The following KANK1 variants were observed in gnomAD, a reference collection of about 807,000 sequenced individuals.
The protein encoded by KANK1 is KN motif and ankyrin repeat domains 1, also known as KN motif and ankyrin repeat domain-containing protein 1.
In KANK1, 109 loss-of-function variants were observed where a neutral mutation model predicts 106.2. The ratio of observed to expected loss-of-function variants is 1.03; its 90% CI spans 0.88 to 1.20. The LOEUF is 1.20. KANK1 is among the 50% of genes most tolerant of loss of function. The pLI is 0.00. For missense variants in KANK1, 2,399 were observed against 1,710.7 expected, an observed-to-expected ratio of 1.40 and a Z score of -7.10; for synonymous variants, 873 against 652.2, an observed-to-expected ratio of 1.34 and a Z score of -5.16.
At chr9:703,223 C>G (rs928679485) in intron 2 of KANK1, among the ~76,000 whole-genome samples, 1 of 152,108 alleles carries the variant, frequency 6.6e-6, no homozygotes, top group Non-Finnish European at 1.5e-5. Flanking sequence ...AACTCCTGAT[C>G]TCAAGTGAAC....
intron 3 of KANK1, among the ~76,000 whole-genome samples, chr9:728,237 G>A (rs1831268028): frequency 6.6e-6 from 1 of 152,128 alleles, no homozygotes; most frequent in Non-Finnish European, 1.5e-5. Flanking sequence ...CTGTCACTCT[G>A]TCACCCAGGC....
At chr9:568,291 A>G (rs949236906) in intron 1 of KANK1, among the ~76,000 whole-genome samples, 3 of 152,228 alleles carry the variant, frequency 2.0e-5, no homozygotes, top group African/African-American at 4.8e-5. Flanking sequence ...AATCTTCAAC[A>G]TCATACCCAG....
At chr9:726,468 GTC>G (rs1363437603) in intron 3 of KANK1, among the ~76,000 whole-genome samples, 9 of 152,050 alleles carry the variant, frequency 5.9e-5, no homozygotes, top group Admixed American at 2.6e-4. Context: ...GTGAAACCGA[GTC>G]TCTACTAAAA....
chr9:501,613 T>C (rs923590980), upstream of KANK1, among the ~76,000 whole-genome samples: 15 of 148,428 alleles, frequency 1.0e-4, no homozygotes, highest in Non-Finnish European at 1.4e-4. Flanking sequence ...CGCACAGACA[T>C]ACACACACAC....
At chr9:473,565 T>C (rs2058054927) in intron 3 of KANK1, among the ~76,000 whole-genome samples, 1 of 152,218 alleles carries the variant, frequency 6.6e-6, no homozygotes, top group Non-Finnish European at 1.5e-5. Context: ...ATAGGTATAA[T>C]ACTGAGAAAA....
At position 742,348 on chromosome 9, in the gene KANK1, G is replaced by A; in HGVS notation, c.3840G>A (p.Val1280=). The change falls in exon 10 of 12, where the codon GTG becomes GTA. Residue 1280 remains valine (V), a synonymous_variant. Coordinates refer to ENST00000382297, the MANE Select transcript of KANK1 (RefSeq NM_015158.5). ...TGTGTGCCAGCGAGCACGGACACGT[G>A]GAGATTGTCAAGCTGCTGCTGGCCC... is the stretch of plus-strand genomic sequence containing the variant. ...ALMCASEHGH[V]EIVKLLLAQP... 2 of 1,614,140 alleles carry A rather than the reference G, an allele frequency of 1.2e-6. No individual in the cohort carries two copies. The highest frequency in any genetic ancestry group is 1.7e-6 in the Non-Finnish European group (2 of 1,180,018).
At position 514,256 on chromosome 9, in the gene KANK1, C is replaced by T. The variant is rs1249136309; in HGVS notation, c.-84+9502C>T. Among the ~76,000 whole-genome samples the T allele has an allele frequency of 4.2e-5, 4 of 94,644 alleles. 1 individual carries two copies. Among genetic ancestry groups the T allele is most frequent in the Non-Finnish European group, 7.6e-5 (4 of 52,834 alleles). 62.1% of individuals were successfully genotyped at this position (94,644 alleles called of 152,430 possible). ...CCTCCCTCCCTTCCTTCCTTCCTCC[C>T]TCCGTCCCTCCCTTCCTTCCTTCCT... On this transcript the variant is annotated intron_variant, in intron 1 of 11. Coordinates refer to ENST00000382297, the MANE Select transcript of KANK1 (RefSeq NM_015158.5).
intron 3 of KANK1, among the ~76,000 whole-genome samples, chr9:724,002 C>T (rs1830037363): frequency 6.7e-6 from 1 of 149,330 alleles, no homozygotes; most frequent in Non-Finnish European, 1.5e-5. Context: ...ATTTGGGGGG[C>T]TGAGGTGGGA....
chr9:739,996 G>A (rs1001560329), intron 8 of KANK1, among the ~76,000 whole-genome samples: 1 of 152,058 alleles, frequency 6.6e-6, no homozygotes. Context: ...GGATCTTAAG[G>A]TAAATGTTCA....
upstream of KANK1, among the ~76,000 whole-genome samples, chr9:504,150 G>A (rs920677995): frequency 7.9e-5 from 12 of 152,280 alleles, 1 homozygote; most frequent in African/African-American, 2.4e-4. Context: ...GGAGGACGTC[G>A]AGCAGGCCAG....
At chr9:556,702 C>G (rs1039163995) in intron 1 of KANK1, among the ~76,000 whole-genome samples, 4 of 151,920 alleles carry the variant, frequency 2.6e-5, no homozygotes, top group Admixed American at 6.6e-5. Flanking sequence ...ACTTTTCTCT[C>G]TAGCTCTTGC....
chr9:596,437 C>T (rs1174287652), intron 1 of KANK1, among the ~76,000 whole-genome samples: 1 of 151,784 alleles, frequency 6.6e-6, no homozygotes, highest in Non-Finnish European at 1.5e-5. Flanking sequence ...GCTGGCTGTC[C>T]TCTGAGCCCC....
upstream of KANK1, among the ~76,000 whole-genome samples, chr9:500,256 G>T (rs1414830912): frequency 6.6e-6 from 1 of 152,198 alleles, no homozygotes; most frequent in Non-Finnish European, 1.5e-5. Flanking sequence ...CATCTCTCAT[G>T]AAGCAAAATT....
At chr9:521,590 CAG>C (rs1289556601) in intron 1 of KANK1, among the ~76,000 whole-genome samples, 4 of 126,710 alleles carry the variant, frequency 3.2e-5, no homozygotes, top group African/African-American at 9.3e-5. Context: ...TTTTTGGAGA[CAG>C]AGTTTTGCTC....
intron 1 of KANK1, among the ~76,000 whole-genome samples, chr9:525,933 A>G (rs948191065): frequency 5.3e-5 from 8 of 151,730 alleles, no homozygotes; most frequent in South Asian, 2.1e-4. Context: ...TAAAATTTCT[A>G]AAATAAAGGA....
At chr9:543,867 C>A (rs931806942) in intron 1 of KANK1, among the ~76,000 whole-genome samples, 3 of 152,168 alleles carry the variant, frequency 2.0e-5, no homozygotes, top group Non-Finnish European at 4.4e-5. Flanking sequence ...GAATCCAAAT[C>A]CAGGGCTTCT....
At position 627,613 on chromosome 9, in the gene KANK1, G is replaced by C. The variant is rs117662868; in HGVS notation, c.-83-49277G>C. Reference sequence around the variant, plus strand: ...TTTATCTTGTTTAATACATTGTAAAGTTGTCTTCTGGAGTCTTCTTCAGTC... The same window carrying C: ...TTTATCTTGTTTAATACATTGTAAACTTGTCTTCTGGAGTCTTCTTCAGTC... On this transcript the variant is annotated intron_variant, in intron 1 of 11. Coordinates refer to ENST00000382297, the MANE Select transcript of KANK1 (RefSeq NM_015158.5). 1.1e-3 allele frequency among the ~76,000 whole-genome samples: 166 copies of C among 152,300 alleles called. 4 individuals are homozygous for C. The East Asian group carries it at 0.026, about 24-fold the overall frequency.
chr9:590,428 C>G (rs868055338), intron 1 of KANK1, among the ~76,000 whole-genome samples: 6 of 152,070 alleles, frequency 3.9e-5, no homozygotes, highest in Admixed American at 6.5e-5. Flanking sequence ...CCTCCTTTAC[C>G]AGACAGTTTA....
At chr9:569,846 C>T (rs989947602) in intron 1 of KANK1, among the ~76,000 whole-genome samples, 1 of 149,656 alleles carries the variant, frequency 6.7e-6, no homozygotes, top group Admixed American at 6.6e-5. Context: ...TTTCTCATTT[C>T]AATATGTAGT....
Sources: allele counts gnomAD v4.1 joint callset (sites outside exome capture counted in the v4.1 genomes callset), GRCh38; gene constraint gnomAD v4.1.1; transcripts MANE v1.5; gene names NCBI Gene and HGNC (gene_info 2026-07-23, HGNC 2026-07-21).